EPGN: variants seen among roughly 807,000 people sequenced by gnomAD.
EPGN encodes epigen.
EPGN carries 21 observed loss-of-function variants against 20.7 expected under a neutral mutation model. That is an observed-to-expected ratio of 1.01 (90% CI 0.72 to 1.46). The LOEUF is 1.46. EPGN is among the 40% of genes most tolerant of loss of function. The pLI is 0.00. For missense variants in EPGN, 199 were observed against 180.7 expected (o/e 1.10, Z -0.58); for synonymous variants, 69 against 63.8 (o/e 1.08, Z -0.39).
rs1486504439 is a variant in EPGN at position 74,314,675 on chromosome 4, G to C, written c.*38G>C. 2.6e-6 allele frequency: 4 copies of C among 1,519,296 alleles called. No homozygotes were observed. Among genetic ancestry groups the C allele is most frequent in the Non-Finnish European group, 3.5e-6 (4 of 1,135,496 alleles). 94.1% of individuals were successfully genotyped at this position (1,519,296 alleles called of 1,614,324 possible). A position where few individuals can be genotyped will look rare whatever the true frequency, so the allele number is the denominator to read the frequency against. On this transcript the variant is annotated 3_prime_UTR_variant, in exon 5 of 5. Transcript: ENST00000413830. ...GAATTTTCATCAAGGCATCTGTAGA[G>C]ATCAGTGAGCCCAAAATTAAAGTTT...
chr4:74,309,256 G>A, intron 2 of EPGN, 74 bp downstream of exon 2: 9 of 1,130,740 alleles, frequency 8.0e-6, no homozygotes, highest in Middle Eastern at 2.0e-4. Context: ...TGTGATAAAA[G>A]CAATATTGGC....
chr4:74,311,915 TTGC>T (rs1156552347), intron 2 of EPGN, among the ~76,000 whole-genome samples: 1 of 152,180 alleles, frequency 6.6e-6, no homozygotes, highest in Non-Finnish European at 1.5e-5. Flanking sequence ...GGTGAATTTG[TTGC>T]CTTTTCTGTC....
Position 74,312,166 on chromosome 4 carries a change from T to C in EPGN, c.134-19T>C, listed in dbSNP as rs1750999946. The C allele has an allele frequency of 2.5e-6, 4 of 1,580,530 alleles. No individual in the cohort carries two copies. Among genetic ancestry groups the C allele is most frequent in the Middle Eastern group, 1.7e-4 (1 of 5,902 alleles). On this transcript the variant is annotated intron_variant, in intron 2 of 4. Coordinates refer to ENST00000413830, the MANE Select transcript of EPGN (RefSeq NM_001270989.2). ...GTAAGACACATTTCATTTGCTAACATTGTATCTCCTTTTCCTAGCTGACAA... is the reference window on the plus strand; with the variant it reads ...GTAAGACACATTTCATTTGCTAACACTGTATCTCCTTTTCCTAGCTGACAA...
In EPGN at chr4:74,315,895, T is replaced by C. The variant is rs1751249620; in HGVS notation, c.*1258T>C. On this transcript the variant is annotated 3_prime_UTR_variant, in exon 5 of 5. Coordinates refer to ENST00000413830, the MANE Select transcript of EPGN (RefSeq NM_001270989.2). ...TGAACCCAGGAGGCAGAGGTTGTAG[T>C]GAGCCGAGATGGCAACCCTGCACTC... Among the ~76,000 whole-genome samples the C allele has an allele frequency of 6.7e-6, 1 of 149,314 alleles. No individual in the cohort carries two copies. The highest frequency in any genetic ancestry group is 1.5e-5 in the Non-Finnish European group (1 of 67,812).
rs1053059490 is a variant in EPGN at position 74,314,508 on chromosome 4, G to T, written c.408-72G>T. 11 of 1,424,260 alleles carry T rather than the reference G, an allele frequency of 7.7e-6. No individual in the cohort carries two copies. In the African/African-American group the frequency reaches 1.4e-4, roughly 18 times the overall value. 88.2% of individuals were successfully genotyped at this position (1,424,260 alleles called of 1,614,324 possible). A position where few individuals can be genotyped will look rare whatever the true frequency, so the allele number is the denominator to read the frequency against. ...ACACCAAGAGCAACTGCTGCAGGGT[G>T]CATTTATGTAAGCTTCAATGACCTA... On this transcript the variant is annotated intron_variant, in intron 4 of 4. Transcript: ENST00000413830.
Position 74,314,612 on chromosome 4 carries a change from G to A in EPGN, c.440G>A (p.Cys147Tyr). 6.5e-7 allele frequency: 1 copy of A among 1,536,044 alleles called. No individual in the cohort carries two copies. Among genetic ancestry groups the A allele is most frequent in the Non-Finnish European group, 8.7e-7 (1 of 1,146,818 alleles). ...AAATTGAAATCGCCTTACAATGTCT[G>A]TTCTGGAGAAAGACGACCACTGTGA... ...CLKLKSPYNVCSGERRPL is the reference protein window; with the variant it reads ...CLKLKSPYNVYSGERRPL Residue 147 changes from cysteine (C) to tyrosine (Y), a missense_variant, in exon 5 of 5, where the codon TGT becomes TAT. Coordinates refer to ENST00000413830, the MANE Select transcript of EPGN (RefSeq NM_001270989.2).
Position 74,314,663 on chromosome 4 carries a change from G to A in EPGN, c.*26G>A, listed in dbSNP as rs1446728960. ...GGCCTTTGTGAAGAATTTTCATCAA[G>A]GCATCTGTAGAGATCAGTGAGCCCA... On this transcript the variant is annotated 3_prime_UTR_variant, in exon 5 of 5. Coordinates refer to ENST00000413830, the MANE Select transcript of EPGN (RefSeq NM_001270989.2). The A allele has an allele frequency of 3.3e-6, 5 of 1,534,430 alleles. No homozygotes were observed. The highest frequency in any genetic ancestry group is 4.4e-6 in the Non-Finnish European group (5 of 1,145,550).
intron 4 of EPGN, chr4:74,314,243 T>C: frequency 2.0e-6 from 1 of 498,382 alleles, no homozygotes; most frequent in Admixed American, 2.3e-5. Flanking sequence ...ATCTAGAATG[T>C]GAATAGCAGT....
chr4:74,311,527 A>G (rs922325796), intron 2 of EPGN, among the ~76,000 whole-genome samples: 3 of 152,184 alleles, frequency 2.0e-5, no homozygotes, highest in African/African-American at 7.2e-5. Context: ...CTTTATCATA[A>G]TGATGAGGAA....
intron 4 of EPGN, chr4:74,313,983 A>C (rs1377281037): frequency 5.7e-6 from 2 of 351,456 alleles, no homozygotes; most frequent in Non-Finnish European, 1.1e-5. Context: ...CAAAAATATA[A>C]TAATAATAAG....
At position 74,313,129 on chromosome 4, in the gene EPGN, A is replaced by G. The variant is rs773534212; in HGVS notation, c.366A>G (p.Leu122=). 4 of 1,612,214 alleles carry G rather than the reference A, an allele frequency of 2.5e-6. No individual in the cohort carries two copies. The African/African-American group carries it at 5.3e-5, about 22-fold the overall frequency. The change falls in exon 4 of 5, where the codon TTA becomes TTG. Residue 122 remains leucine, a synonymous_variant. Coordinates refer to ENST00000413830, the MANE Select transcript of EPGN (RefSeq NM_001270989.2). ...TTGGGATTGGTGTTGGATTACTATT[A>G]AGTGGTTTTCTTGTTATTTTTTACT... ...IAIGIGVGLL[L]SGFLVIFYCY... is the part of the protein sequence containing the mutation.
chr4:74,308,603 A>C, intron 1 of EPGN, 27 bp downstream of exon 1: 1 of 1,585,688 alleles, frequency 6.3e-7, no homozygotes, highest in Non-Finnish European at 8.6e-7. Context: ...TGTTTTGTTA[A>C]CTTTATATCA....
intron 2 of EPGN, among the ~76,000 whole-genome samples, chr4:74,311,515 A>G (rs755422667): frequency 4.6e-5 from 7 of 152,176 alleles, no homozygotes; most frequent in Non-Finnish European, 8.8e-5. Context: ...AATATGGTAT[A>G]CCTTTATCAT....
intron 2 of EPGN, among the ~76,000 whole-genome samples, chr4:74,309,709 T>C (rs1243621609): frequency 6.6e-6 from 1 of 152,202 alleles, no homozygotes; most frequent in Non-Finnish European, 1.5e-5. Context: ...TTGATGGTAA[T>C]GATATATTTT....
chr4:74,309,383 A>G (rs936127565), intron 2 of EPGN, among the ~76,000 whole-genome samples: 2 of 152,238 alleles, frequency 1.3e-5, no homozygotes, highest in African/African-American at 4.8e-5. Context: ...GAGGAAGTTA[A>G]GCAAATGAGA....
intron 4 of EPGN, chr4:74,314,283 T>C (rs1578791626): frequency 3.9e-6 from 2 of 511,098 alleles, no homozygotes; most frequent in East Asian, 8.4e-5. Flanking sequence ...ATGAGGCATC[T>C]GGATTTCAAT....
chr4:74,313,302 A>G, intron 4 of EPGN, 132 bp downstream of exon 4: 1 of 1,413,660 alleles, frequency 7.1e-7, no homozygotes, highest in Non-Finnish European at 9.1e-7. Flanking sequence ...TCTGGCAAAA[A>G]GTTTCTATGT....
In EPGN at chr4:74,316,676, G is replaced by A. The variant is rs1054877174; in HGVS notation, c.*2039G>A. Among the ~76,000 whole-genome samples, 2 of 152,066 alleles carry A rather than the reference G, an allele frequency of 1.3e-5. No homozygotes were observed. The highest frequency in any genetic ancestry group is 2.4e-5 in the African/African-American group (1 of 41,390). On this transcript the variant is annotated 3_prime_UTR_variant, in exon 5 of 5. Coordinates refer to ENST00000413830, the MANE Select transcript of EPGN (RefSeq NM_001270989.2). The stretch of plus-strand genomic sequence containing the variant: ...CAGTGACAGACCACACCTAGAAAGC[G>A]TTTCTCTTCCTGAGTATTTCAAAAA...
chr4:74,310,252 A>G (rs1026952128), intron 2 of EPGN, among the ~76,000 whole-genome samples: 10 of 152,096 alleles, frequency 6.6e-5, no homozygotes, highest in African/African-American at 2.4e-4. Flanking sequence ...ACCTGAGGTC[A>G]GGAGTTTGAG....
Sources: allele counts gnomAD v4.1 joint callset (sites outside exome capture counted in the v4.1 genomes callset), GRCh38; gene constraint gnomAD v4.1.1; transcripts MANE v1.5; gene names NCBI Gene and HGNC (gene_info 2026-07-23, HGNC 2026-07-21).